The following DOP1A variants were observed in gnomAD, a reference collection of about 807,000 sequenced individuals.
The protein encoded by DOP1A is protein DOP1A.
A neutral mutation model predicts 267.6 loss-of-function variants in DOP1A; 90 were observed. The observed-to-expected ratio is 0.34, with a 90% confidence interval of 0.28 to 0.40. The LOEUF is 0.40. Ranked by LOEUF, DOP1A falls within the 10% of genes least tolerant of loss-of-function variation. DOP1A has a pLI of 1.00. For synonymous variants in DOP1A, 932 were observed against 999.1 expected, an observed-to-expected ratio of 0.93 and a Z score of 1.27; for missense variants, 2,437 against 2,900.4, an observed-to-expected ratio of 0.84 and a Z score of 3.67.
intron 38 of DOP1A, 180 bp from the exon 39 acceptor site, chr6:83,167,682 T>C: frequency 7.2e-7 from 1 of 1,379,438 alleles, no homozygotes; most frequent in Non-Finnish European, 9.3e-7. Context: ...CATGTAAAAC[T>C]AATAAATGGC....
chr6:83,087,633 A>G (rs1217175901), intron 1 of DOP1A, among the ~76,000 whole-genome samples: 1 of 152,220 alleles, frequency 6.6e-6, no homozygotes, highest in East Asian at 1.9e-4. Flanking sequence ...GCTGTATTGC[A>G]TATCATTTCT....
chr6:83,133,350 T>C (rs1778363604), intron 18 of DOP1A, among the ~76,000 whole-genome samples: 1 of 152,136 alleles, frequency 6.6e-6, no homozygotes, highest in Admixed American at 6.6e-5. Flanking sequence ...AAATATCTTT[T>C]ACTACTTAAT....
intron 3 of DOP1A, among the ~76,000 whole-genome samples, chr6:83,097,404 G>T (rs1771694324): frequency 6.6e-6 from 1 of 152,134 alleles, no homozygotes; most frequent in South Asian, 2.1e-4. Context: ...AACTATGAGG[G>T]CTAGTAAATT....
intron 23 of DOP1A, 130 bp from the exon 24 acceptor site, chr6:83,141,791 C>T: frequency 3.7e-6 from 3 of 812,160 alleles, no homozygotes; most frequent in Middle Eastern, 3.5e-4. Context: ...TTAAAGTTTC[C>T]TCTAGTGTTA....
intron 4 of DOP1A, among the ~76,000 whole-genome samples, chr6:83,103,556 T>G (rs1393123925): frequency 1.3e-5 from 2 of 152,218 alleles, no homozygotes; most frequent in Non-Finnish European, 2.9e-5. Context: ...TCTTTTGAGA[T>G]TGCCTTCACC....
At chr6:83,146,975 T>C (rs1780734472) in intron 25 of DOP1A, among the ~76,000 whole-genome samples, 1 of 152,320 alleles carries the variant, frequency 6.6e-6, no homozygotes, top group East Asian at 1.9e-4. Context: ...TGGTGGACTA[T>C]CAACTTCTGA....
Position 83,137,387 on chromosome 6 carries a change from G to A in DOP1A, c.3345G>A (p.Gln1115=). 6.2e-7 allele frequency: 1 copy of A among 1,613,858 alleles called. No individual in the cohort carries two copies. Among genetic ancestry groups the A allele is most frequent in the African/African-American group, 1.3e-5 (1 of 75,030 alleles). Residue 1115 remains glutamine (Q), a synonymous_variant, in exon 21 of 39, where the codon CAG becomes CAA. Transcript: ENST00000349129. The part of the protein sequence containing the change: ...ILQSSDSGCS[Q]SSAGDNLSYE... The stretch of plus-strand genomic sequence containing the variant: ...AGAGTTCTGACTCGGGATGTTCACA[G>A]TCCTCTGCTGGGGACAACTTGAGTT...
At chr6:83,156,854 G>A (rs1018587121) in intron 34 of DOP1A, among the ~76,000 whole-genome samples, 4 of 151,808 alleles carry the variant, frequency 2.6e-5, no homozygotes, top group African/African-American at 9.7e-5. Context: ...AAGTTGACTA[G>A]ATCAGTGCTA....
chr6:83,141,331 A>T (rs927580652), intron 23 of DOP1A, among the ~76,000 whole-genome samples: 1 of 152,120 alleles, frequency 6.6e-6, no homozygotes, highest in South Asian at 2.1e-4. Flanking sequence ...TAACTTATTG[A>T]TTTTTAAATT....
In DOP1A at chr6:83,097,790, T is replaced by C. The variant is rs192642603; in HGVS notation, c.138+675T>C. On this transcript the variant is annotated intron_variant, in intron 3 of 38. Transcript: ENST00000349129. ...TAAATTGTTATTGAATGGGAGTGTT[T>C]CTAAATATTAAAGAGGTTACATAGG... Among the ~76,000 whole-genome samples, 36 of 152,044 alleles carry C rather than the reference T, an allele frequency of 2.4e-4. 1 individual carries two copies. The highest frequency in any genetic ancestry group is 7.4e-5 in the Non-Finnish European group (5 of 67,946).
In DOP1A at chr6:83,138,038, G is replaced by C; in HGVS notation, c.3996G>C (p.Glu1332Asp). 6.8e-6 allele frequency: 11 copies of C among 1,611,316 alleles called. No individual in the cohort carries two copies. Among genetic ancestry groups the C allele is most frequent in the Non-Finnish European group, 9.3e-6 (11 of 1,178,908 alleles). ...TCTTCAGTGATGGTCTGGATTTAGA[G>C]AACTGGTATAGCTGTGGAGAGGGAG... ...SVFFSDGLDLENWYSCGEGDI... is the reference protein window; with the variant it reads ...SVFFSDGLDLDNWYSCGEGDI... The change falls in exon 21 of 39, where the codon GAG (glutamate) becomes GAC (aspartate). Residue 1332 changes from glutamate to aspartate, a missense_variant. By Grantham distance (45) the Glu-to-Asp change is conservative (BLOSUM62 2). Coordinates refer to ENST00000349129, the MANE Select transcript of DOP1A (RefSeq NM_015018.4).
intron 28 of DOP1A, 55 bp from the exon 29 acceptor site, chr6:83,151,828 C>A: frequency 6.5e-7 from 1 of 1,532,628 alleles, no homozygotes; most frequent in South Asian, 1.2e-5. Flanking sequence ...TACAGAAGTT[C>A]ATAACTAGTG....
chr6:83,163,239 G>C (rs1213040090), intron 38 of DOP1A, among the ~76,000 whole-genome samples: 2 of 152,122 alleles, frequency 1.3e-5, no homozygotes, highest in South Asian at 2.1e-4. Flanking sequence ...ATACATGTGA[G>C]TATTTAAGAC....
Position 83,135,861 on chromosome 6 carries a change from A to C in DOP1A, c.3113A>C (p.Asn1038Thr). The C allele has an allele frequency of 6.2e-7, 1 of 1,613,468 alleles. No individual in the cohort carries two copies. The highest frequency in any genetic ancestry group is 1.1e-5 in the South Asian group (1 of 91,054). ...GEESDKHFMQ[N>T]FACSNVSQVQ... Reference sequence around the variant, plus strand: ...GAGAGTGACAAGCATTTCATGCAAAATTTTGCCTGCAGCAATGGTGAATAA... The same window carrying C: ...GAGAGTGACAAGCATTTCATGCAAACTTTTGCCTGCAGCAATGGTGAATAA... Residue 1038 changes from asparagine to threonine, a missense_variant, in exon 20 of 39, where the codon AAT (asparagine) becomes ACT (threonine). By Grantham distance (65) the Asn-to-Thr change is moderately conservative. Coordinates refer to ENST00000349129, the MANE Select transcript of DOP1A (RefSeq NM_015018.4).
At chr6:83,168,952 C>T, downstream of DOP1A, 1 of 1,148,718 alleles carries the variant, frequency 8.7e-7, no homozygotes, top group Non-Finnish European at 1.1e-6. Flanking sequence ...ATGAATTGTT[C>T]CCCACATAAA....
At chr6:83,146,223 C>T (rs1780621111) in intron 25 of DOP1A, among the ~76,000 whole-genome samples, 1 of 152,182 alleles carries the variant, frequency 6.6e-6, no homozygotes, top group Admixed American at 6.5e-5. Flanking sequence ...ACGGACTTTT[C>T]TACTTTTTCT....
intron 17 of DOP1A, 100 bp from the exon 18 acceptor site, chr6:83,132,076 G>A: frequency 7.2e-7 from 1 of 1,392,356 alleles, no homozygotes; most frequent in East Asian, 2.3e-5. Flanking sequence ...AAGCCTTTCA[G>A]GTCTGACAGA....
chr6:83,131,530 T>C (rs1001979773), intron 17 of DOP1A, among the ~76,000 whole-genome samples: 4 of 152,184 alleles, frequency 2.6e-5, no homozygotes, highest in African/African-American at 9.7e-5. Context: ...CAACCATAAA[T>C]ATTAAATTGC....
Position 83,157,644 on chromosome 6 carries a change from T to G in DOP1A, c.6741+326T>G, listed in dbSNP as rs574429302. Among the ~76,000 whole-genome samples the G allele has an allele frequency of 3.9e-4, 60 of 152,284 alleles. No homozygotes were observed. The South Asian group carries it at 0.012, about 32-fold the overall frequency. On this transcript the variant is annotated intron_variant, in intron 35 of 38. Coordinates refer to ENST00000349129, the MANE Select transcript of DOP1A (RefSeq NM_015018.4). Reference sequence around the variant, plus strand: ...TCCTGACAATAGCAGCTGGACCCATTTACAATAGCTGTAGCAATACCTCTA... The same window carrying G: ...TCCTGACAATAGCAGCTGGACCCATGTACAATAGCTGTAGCAATACCTCTA...
Sources: allele counts gnomAD v4.1 joint callset (sites outside exome capture counted in the v4.1 genomes callset), GRCh38; gene constraint gnomAD v4.1.1; transcripts MANE v1.5; gene names NCBI Gene and HGNC (gene_info 2026-07-23, HGNC 2026-07-21).